RAD51B: variants seen among roughly 807,000 people sequenced by gnomAD.
RAD51B encodes the protein DNA repair protein RAD51 homolog 2.
Under a neutral mutation model 42.2 loss-of-function variants are expected in RAD51B, and 38 were observed. The ratio of observed to expected loss-of-function variants is 0.90; its 90% CI spans 0.70 to 1.18. The LOEUF is 1.18. RAD51B is among the 50% of genes most tolerant of loss of function. The pLI is 0.00. For missense variants in RAD51B, 373 were observed against 400.7 expected (o/e 0.93, Z 0.59); for synonymous variants, 154 against 145.2 (o/e 1.06, Z -0.43).
chr14:67,867,310 G>A (rs2139996951), intron 5 of RAD51B, among the ~76,000 whole-genome samples: 1 of 152,298 alleles, frequency 6.6e-6, no homozygotes, highest in South Asian at 2.1e-4. Flanking sequence ...AAGAACAGTA[G>A]CTTAAACAAA....
chr14:68,643,701 T>G (rs1409037791), intron 10 of RAD51B, among the ~76,000 whole-genome samples: 1 of 152,242 alleles, frequency 6.6e-6, no homozygotes, highest in Non-Finnish European at 1.5e-5. Flanking sequence ...ATAATATGAA[T>G]GCTAAACATG....
chr14:68,093,135 C>G (rs1340076418), intron 7 of RAD51B, among the ~76,000 whole-genome samples: 1 of 150,520 alleles, frequency 6.6e-6, no homozygotes, highest in East Asian at 1.9e-4. Context: ...CATCAATGTT[C>G]ATCAAGGATA....
intron 7 of RAD51B, among the ~76,000 whole-genome samples, chr14:68,114,961 T>G (rs923819607): frequency 5.3e-5 from 8 of 151,130 alleles, no homozygotes; most frequent in Admixed American, 5.3e-4. Context: ...TGTAAACTAG[T>G]TCAACCATTG....
In RAD51B at chr14:68,499,956, G is replaced by A. The variant is rs565376046; in HGVS notation, c.1036+31706G>A. Among the ~76,000 whole-genome samples, 20 of 152,316 alleles carry A rather than the reference G, an allele frequency of 1.3e-4. No homozygotes were observed. In the South Asian group the frequency reaches 3.9e-3, roughly 30 times the overall value. ...AGCCCTAGAAAACTAATGCAGTCAGGTTGCCCAGAGAGATGAAATGACTGG... is the reference window on the plus strand; with the variant it reads ...AGCCCTAGAAAACTAATGCAGTCAGATTGCCCAGAGAGATGAAATGACTGG... On this transcript the variant is annotated intron_variant, in intron 10 of 10. Coordinates refer to the RAD51B transcript ENST00000487270.
At chr14:68,666,879 A>G (rs1003635351) in intron 11 of RAD51B, among the ~76,000 whole-genome samples, 2 of 152,254 alleles carry the variant, frequency 1.3e-5, no homozygotes, top group Non-Finnish European at 2.9e-5. Context: ...ATATAGAGAT[A>G]GATTAGATAT....
chr14:68,222,120 A>G (rs1413291110), intron 7 of RAD51B, among the ~76,000 whole-genome samples: 1 of 152,242 alleles, frequency 6.6e-6, no homozygotes, highest in Admixed American at 6.5e-5. Context: ...CCACTAGGGA[A>G]AACAATGTGG....
At chr14:68,074,562 T>C (rs1394824952) in intron 7 of RAD51B, among the ~76,000 whole-genome samples, 1 of 152,228 alleles carries the variant, frequency 6.6e-6, no homozygotes, top group Non-Finnish European at 1.5e-5. Context: ...GAACCATTGC[T>C]GGGGAGATGT....
chr14:68,362,597 C>T (rs2083049155), intron 8 of RAD51B, among the ~76,000 whole-genome samples: 1 of 152,178 alleles, frequency 6.6e-6, no homozygotes, highest in Non-Finnish European at 1.5e-5. Flanking sequence ...CACCTGTAAT[C>T]CCAACACTTT....
At chr14:68,437,998 G>A (rs1034437270) in intron 9 of RAD51B, among the ~76,000 whole-genome samples, 1 of 152,120 alleles carries the variant, frequency 6.6e-6, no homozygotes, top group Non-Finnish European at 1.5e-5. Context: ...CTACAGGGGA[G>A]CACTAAATGT....
At chr14:68,256,228 C>G in intron 7 of RAD51B, among the ~76,000 whole-genome samples, 1 of 152,154 alleles carries the variant, frequency 6.6e-6, no homozygotes, top group East Asian at 1.9e-4. Flanking sequence ...ATCTTTGTCA[C>G]CTGTCCAGGG....
At position 68,239,174 on chromosome 14, in the gene RAD51B, CTCCCTCCTCACT is replaced by C. The variant is rs1482428835; in HGVS notation, c.757-52701_757-52690del. Among the ~76,000 whole-genome samples the C allele has an allele frequency of 3.3e-5, 5 of 152,220 alleles. No homozygotes were observed. In the East Asian group the frequency reaches 9.6e-4, roughly 29 times the overall value. On this transcript the variant is annotated intron_variant, in intron 7 of 10. Coordinates refer to ENST00000471583, the MANE Select transcript of RAD51B (RefSeq NM_133510.4). ...CTGTTATCTGAGGAAAACGCCTCCA[CTCCCTCCTCACT>C]TCCCTCCTGGGCACCTGGGGGGATG...
At chr14:68,568,707 C>T (rs1048959301) in intron 10 of RAD51B, among the ~76,000 whole-genome samples, 5 of 152,182 alleles carry the variant, frequency 3.3e-5, no homozygotes, top group Admixed American at 1.3e-4. Context: ...ACCTCAGGAA[C>T]GGGCAGCCAT....
intron 10 of RAD51B, chr14:68,470,838 T>G (rs2086105688): frequency 2.6e-6 from 1 of 391,338 alleles, no homozygotes; most frequent in African/African-American, 2.0e-5. Flanking sequence ...CCTTGTCACA[T>G]CAGCTTTGTC....
At chr14:68,569,379 G>A (rs1336456018) in intron 10 of RAD51B, among the ~76,000 whole-genome samples, 1 of 152,164 alleles carries the variant, frequency 6.6e-6, no homozygotes, top group African/African-American at 2.4e-5. Context: ...GCAAACTGAG[G>A]GGCCAACTCA....
chr14:68,507,240 T>C (rs1204607578), intron 10 of RAD51B, among the ~76,000 whole-genome samples: 2 of 152,140 alleles, frequency 1.3e-5, no homozygotes, highest in Non-Finnish European at 2.9e-5. Flanking sequence ...CCAGTGCTGT[T>C]TTAGCACCCA....
In RAD51B at chr14:68,120,034, C is replaced by G. The variant is rs150645837; in HGVS notation, c.757-171850C>G. ...TTCTAACTGGTGTGAGCTGGTATCTCATTGTGGTTTTGATTTGCATTTCTC... is the reference window on the plus strand; with the variant it reads ...TTCTAACTGGTGTGAGCTGGTATCTGATTGTGGTTTTGATTTGCATTTCTC... On this transcript the variant is annotated intron_variant, in intron 7 of 10. Transcript: ENST00000471583. Among the ~76,000 whole-genome samples, 397 of 152,276 alleles carry G rather than the reference C, an allele frequency of 2.6e-3. 1 individual carries two copies. The highest frequency in any genetic ancestry group is 9.2e-3 in the African/African-American group (384 of 41,548).
intron 10 of RAD51B, among the ~76,000 whole-genome samples, chr14:68,586,748 T>C (rs1890501968): frequency 6.6e-6 from 1 of 152,168 alleles, no homozygotes; most frequent in Non-Finnish European, 1.5e-5. Flanking sequence ...TTCACCCCTG[T>C]AATCCCAGCA....
intron 10 of RAD51B, chr14:68,541,802 C>G (rs1887982036): frequency 5.1e-6 from 5 of 985,322 alleles, no homozygotes; most frequent in Non-Finnish European, 6.0e-6. Context: ...TTTAAATGGC[C>G]ACTCTGCAAG....
At chr14:67,964,034 A>G (rs998036166) in intron 7 of RAD51B, among the ~76,000 whole-genome samples, 5 of 151,996 alleles carry the variant, frequency 3.3e-5, no homozygotes, top group African/African-American at 9.7e-5. Flanking sequence ...TTGAGTGCAC[A>G]TCTCCTGACT....
Sources: allele counts gnomAD v4.1 joint callset (sites outside exome capture counted in the v4.1 genomes callset), GRCh38; gene constraint gnomAD v4.1.1; transcripts MANE v1.5; gene names NCBI Gene and HGNC (gene_info 2026-07-23, HGNC 2026-07-21).